Variants in ARHGEF19 observed in about 807,000 individuals in gnomAD.
The protein encoded by ARHGEF19 is Rho guanine nucleotide exchange factor 19.
A neutral mutation model predicts 87.6 loss-of-function variants in ARHGEF19; 92 were observed. The ratio of observed to expected loss-of-function variants is 1.05; its 90% CI spans 0.89 to 1.25. The LOEUF is 1.25. ARHGEF19 is among the 50% of genes most tolerant of loss of function. The pLI is 0.00. For missense variants in ARHGEF19, 1,054 were observed against 1,051.8 expected (o/e 1.00, Z -0.03); for synonymous variants, 438 against 446.2 (o/e 0.98, Z 0.23).
At position 16,208,008 on chromosome 1, in the gene ARHGEF19, G is replaced by C. The variant is rs1156697906; in HGVS notation, c.630C>G (p.Arg210=). The C allele has an allele frequency of 3.1e-6, 5 of 1,613,160 alleles. No homozygotes were observed. The highest frequency in any genetic ancestry group is 2.7e-5 in the African/African-American group (2 of 74,910). ...CCCGGGCTGCTGAATTCCGCCCCAG[G>C]CGCAGAGAAGAGTGCAGCCGGGTCA... The part of the protein sequence containing the change: ...ELMTRLHSSL[R]LGRNSAARAL... Residue 210 remains arginine (R), a synonymous_variant, in exon 3 of 16, where the codon CGC becomes CGG. Transcript: ENST00000270747.
Position 16,207,888 on chromosome 1 carries a change from C to CG in ARHGEF19, c.694+55_694+56insC. 7.1e-7 allele frequency: 1 copy of CG among 1,403,408 alleles called. No individual in the cohort carries two copies. The highest frequency in any genetic ancestry group is 9.9e-7 in the Non-Finnish European group (1 of 1,009,394). The allele number at this position is 1,403,408 out of a possible 1,614,324, so 86.9% of individuals were successfully genotyped here. A position where few individuals can be genotyped will look rare whatever the true frequency, so the allele number is the denominator to read the frequency against. ...GCGGCCGGTGAGTGGGCATCGCCCA[C>CG]CCCCACCCCCACCCGGCATCTGGCT... On this transcript the variant is annotated intron_variant, in intron 3 of 15. Transcript: ENST00000270747. This position sits in a 1 kb window ranked among gnomAD's most constrained non-coding sequence, Gnocchi z 4.0.
Position 16,206,751 on chromosome 1 carries a change from C to T in ARHGEF19, c.1137+197G>A, listed in dbSNP as rs567221651. 8.1e-4 allele frequency among the ~76,000 whole-genome samples: 124 copies of T among 152,244 alleles called. 1 individual carries two copies. Among genetic ancestry groups the T allele is most frequent in the African/African-American group, 2.7e-3 (113 of 41,546 alleles). Reference sequence around the variant, plus strand: ...CACCCAAGCCCGGCTCCCCTCGCCTCTCGCTCAGCGGCTTGCTGTCCTCGC... The same window carrying T: ...CACCCAAGCCCGGCTCCCCTCGCCTTTCGCTCAGCGGCTTGCTGTCCTCGC... On this transcript the variant is annotated intron_variant, in intron 6 of 15. Transcript: ENST00000270747. This position sits in a 1 kb window ranked among gnomAD's most constrained non-coding sequence, Gnocchi z 4.6.
Position 16,198,542 on chromosome 1 carries a change from C to A in ARHGEF19, c.*45G>T, listed in dbSNP as rs1386341576. On this transcript the variant is annotated 3_prime_UTR_variant, in exon 16 of 16. Coordinates refer to ENST00000270747, the MANE Select transcript of ARHGEF19 (RefSeq NM_153213.5). This position sits in a 1 kb window ranked among gnomAD's most constrained non-coding sequence, Gnocchi z 4.1. ...ACACTGCAGGCCCCTCCAGGACCAT[C>A]CAGGAGCCAGGCATGGAGGTGGGGT... is the stretch of plus-strand genomic sequence containing the variant. 5 of 1,560,182 alleles carry A rather than the reference C, an allele frequency of 3.2e-6. No individual in the cohort carries two copies. The highest frequency in any genetic ancestry group is 3.5e-6 in the Non-Finnish European group (4 of 1,151,730).
rs921628073 is a variant in ARHGEF19 at position 16,206,060 on chromosome 1, C to T, written c.1322G>A (p.Arg441Gln). The stretch of plus-strand genomic sequence containing the variant: ...GAAGCGCAGCACATCTGCCTCCAGC[C>T]GCTGCTCCAGGTCCTGCAGGAACCT... Reference protein sequence around the residue: ...SERFLQDLEQRLEADVLRFSV... With the variant: ...SERFLQDLEQQLEADVLRFSV... Residue 441 changes from arginine to glutamine, a missense_variant, in exon 8 of 16, where the codon CGG becomes CAG. By Grantham distance (43) the Arg-to-Gln change is conservative. Transcript: ENST00000270747. The surrounding 1 kb of genome is among the most constrained non-coding windows in gnomAD (Gnocchi z 4.6). 3 of 1,583,644 alleles carry T rather than the reference C, an allele frequency of 1.9e-6. No homozygotes were observed. Among genetic ancestry groups the T allele is most frequent in the Non-Finnish European group, 1.7e-6 (2 of 1,164,696 alleles).
rs927518713 is a variant in ARHGEF19, at chr1:16,208,945, A to G, written c.110T>C (p.Leu37Pro). The G allele has an allele frequency of 3.2e-6, 5 of 1,577,170 alleles. No homozygotes were observed. The highest frequency in any genetic ancestry group is 1.4e-5 in the African/African-American group (1 of 73,094). Reference protein sequence around the residue: ...CQQESLSFAELPALKPPSPVC... With the variant: ...CQQESLSFAEPPALKPPSPVC... The stretch of plus-strand genomic sequence containing the variant: ...TGGGCTCGGGGGCTTCAGGGCGGGC[A>G]GCTCTGCAAAGGACAGACTCTCCTG... Residue 37 changes from leucine to proline, a missense_variant, in exon 2 of 16, where the codon CTG becomes CCG. By Grantham distance (98) the Leu-to-Pro change is moderately conservative. Transcript: ENST00000270747.
Position 16,206,834 on chromosome 1 carries a change from G to A in ARHGEF19, c.1137+114C>T, listed in dbSNP as rs1418189753. On this transcript the variant is annotated intron_variant, in intron 6 of 15. Coordinates refer to ENST00000270747, the MANE Select transcript of ARHGEF19 (RefSeq NM_153213.5). The surrounding 1 kb of genome is among the most constrained non-coding windows in gnomAD (Gnocchi z 4.6). The stretch of plus-strand genomic sequence containing the variant: ...GCCAACCTTCCGCGCGGACAGTCGC[G>A]CCAGCAACCCCCTTTGTGTGTCCCC... 1 of 1,289,352 alleles carries A rather than the reference G, an allele frequency of 7.8e-7. No individual in the cohort carries two copies. The allele number at this position is 1,289,352 out of a possible 1,614,324, so 79.9% of individuals were successfully genotyped here.
Position 16,207,617 on chromosome 1 carries a change from C to G in ARHGEF19, c.798-19G>C. 6.2e-7 allele frequency: 1 copy of G among 1,614,036 alleles called. No homozygotes were observed. Among genetic ancestry groups the G allele is most frequent in the East Asian group, 2.2e-5 (1 of 44,870 alleles). On this transcript the variant is annotated intron_variant, in intron 4 of 15. Transcript: ENST00000270747. The surrounding 1 kb of genome is among the most constrained non-coding windows in gnomAD (Gnocchi z 4.0). ...GTCTAGCCTAGGAAAGAGAGAGCGT[C>G]ACGGCCCTAGTTCGCCTGCACCCTG... is the stretch of plus-strand genomic sequence containing the variant.
chr1:16,212,356 C>T (rs1041905685), intron 1 of ARHGEF19, 146 bp downstream of exon 1: 8 of 152,370 alleles, frequency 5.3e-5, no homozygotes, highest in African/African-American at 1.9e-4. Context: ...GAAAGTGGAT[C>T]CAGGCCAAGT....
rs779728648 is a variant in ARHGEF19 at position 16,208,093 on chromosome 1, C to A, written c.545G>T (p.Gly182Val). The change falls in exon 3 of 16, where the codon GGG becomes GTG. Residue 182 changes from glycine to valine, a missense_variant. By Grantham distance (109) the Gly-to-Val change is moderately radical. Transcript: ENST00000270747. Reference protein sequence around the residue: ...STEEPRVELSGSTRVSLEGPE... With the variant: ...STEEPRVELSVSTRVSLEGPE... ...ACCTTCGAGGCTCACTCGGGTGGAC[C>A]CAGACAACTCCACCCTGGGCTCCTC... 3 of 1,614,042 alleles carry A rather than the reference C, an allele frequency of 1.9e-6. No individual in the cohort carries two copies. Among genetic ancestry groups the A allele is most frequent in the Non-Finnish European group, 2.5e-6 (3 of 1,180,030 alleles).
chr1:16,207,870 G>A lies in ARHGEF19; in HGVS notation c.694+74C>T, dbSNP rs2081160048. 1 of 1,585,880 alleles carries A rather than the reference G, an allele frequency of 6.3e-7. No homozygotes were observed. The highest frequency in any genetic ancestry group is 1.8e-5 in the Admixed American group (1 of 55,878). Reference sequence around the variant, plus strand: ...GCACCCTGACGGCCTCAGGCGGCCGGTGAGTGGGCATCGCCCACCCCCACC... The same window carrying A: ...GCACCCTGACGGCCTCAGGCGGCCGATGAGTGGGCATCGCCCACCCCCACC... On this transcript the variant is annotated intron_variant, in intron 3 of 15. Coordinates refer to ENST00000270747, the MANE Select transcript of ARHGEF19 (RefSeq NM_153213.5). The surrounding 1 kb of genome is among the most constrained non-coding windows in gnomAD (Gnocchi z 4.0).
chr1:16,207,006 T>C lies in ARHGEF19; in HGVS notation c.1079A>G (p.Asp360Gly). The change falls in exon 6 of 16, where the codon GAC (aspartate) becomes GGC (glycine). Residue 360 changes from aspartate to glycine, a missense_variant. Transcript: ENST00000270747. This position sits in a 1 kb window ranked among gnomAD's most constrained non-coding sequence, Gnocchi z 4.0. ...GGCCAGGACGCCGCTGCCGCGTACG[T>C]CGGGGATATCCTGCCACAGCGAGAA... The part of the protein sequence containing the change: ...STFSLWQDIP[D>G]VRGSGVLATL... 6.6e-7 allele frequency: 1 copy of C among 1,516,888 alleles called. No individual in the cohort carries two copies. The allele number at this position is 1,516,888 out of a possible 1,614,324, so 94.0% of individuals were successfully genotyped here.
intron 1 of ARHGEF19, among the ~76,000 whole-genome samples, chr1:16,211,890 C>T (rs1189587685): frequency 6.6e-6 from 1 of 152,214 alleles, no homozygotes; most frequent in African/African-American, 2.4e-5. Flanking sequence ...TAGGCAAGGG[C>T]CACTCTGGAG....
chr1:16,203,716 C>T (rs1293563587), intron 12 of ARHGEF19, among the ~76,000 whole-genome samples: 1 of 152,172 alleles, frequency 6.6e-6, no homozygotes, highest in Non-Finnish European at 1.5e-5. Flanking sequence ...TGCTGTACTC[C>T]TGCACTCAAA....
At position 16,207,887 on chromosome 1, in the gene ARHGEF19, A is replaced by G. The variant is rs1171447758; in HGVS notation, c.694+57T>C. ...GGCGGCCGGTGAGTGGGCATCGCCCACCCCCACCCCCACCCGGCATCTGGC... is the reference window on the plus strand; with the variant it reads ...GGCGGCCGGTGAGTGGGCATCGCCCGCCCCCACCCCCACCCGGCATCTGGC... On this transcript the variant is annotated intron_variant, in intron 3 of 15. Coordinates refer to ENST00000270747, the MANE Select transcript of ARHGEF19 (RefSeq NM_153213.5). This position sits in a 1 kb window ranked among gnomAD's most constrained non-coding sequence, Gnocchi z 4.0. 1.2e-3 allele frequency: 962 copies of G among 831,874 alleles called. No homozygotes were observed. The highest frequency in any genetic ancestry group is 1.6e-3 in the Non-Finnish European group (879 of 557,506). 51.5% of individuals were successfully genotyped at this position (831,874 alleles called of 1,614,324 possible).
Position 16,207,230 on chromosome 1 carries a change from G to C in ARHGEF19, c.875-20C>G. 1 of 1,487,788 alleles carries C rather than the reference G, an allele frequency of 6.7e-7. No individual in the cohort carries two copies. The highest frequency in any genetic ancestry group is 8.9e-7 in the Non-Finnish European group (1 of 1,123,954). 92.2% of individuals were successfully genotyped at this position (1,487,788 alleles called of 1,614,324 possible). A position where few individuals can be genotyped will look rare whatever the true frequency, so the allele number is the denominator to read the frequency against. On this transcript the variant is annotated intron_variant, in intron 5 of 15. Transcript: ENST00000270747. This position sits in a 1 kb window ranked among gnomAD's most constrained non-coding sequence, Gnocchi z 4.0. ...GGACGGCTGGGGGAAAGACGGGCGG[G>C]GGAGAGCGTGGGGCGCCCGCCAGCC... is the stretch of plus-strand genomic sequence containing the variant.
rs758325900 is a variant in ARHGEF19 at position 16,207,960 on chromosome 1, G to A, written c.678C>T (p.Thr226=). 1.2e-6 allele frequency: 2 copies of A among 1,605,762 alleles called. No homozygotes were observed. Among genetic ancestry groups the A allele is most frequent in the Admixed American group, 3.4e-5 (2 of 59,338 alleles). The change falls in exon 3 of 16, where the codon ACC becomes ACT. Residue 226 remains threonine, a synonymous_variant. Coordinates refer to ENST00000270747, the MANE Select transcript of ARHGEF19 (RefSeq NM_153213.5). This position sits in a 1 kb window ranked among gnomAD's most constrained non-coding sequence, Gnocchi z 4.0. ...AARALISGSG[T]GAAREGKASG... is the part of the protein sequence containing the mutation. ...AGCTGGTACCTTCCCGGGCTGCTCC[G>A]GTGCCTGACCCAGAGATGAGTGCCC...
At position 16,208,096 on chromosome 1, in the gene ARHGEF19, G is replaced by T; in HGVS notation, c.542C>A (p.Ser181Tyr). 2 of 1,614,084 alleles carry T rather than the reference G, an allele frequency of 1.2e-6. No homozygotes were observed. The highest frequency in any genetic ancestry group is 1.3e-5 in the African/African-American group (1 of 75,068). ...TTCGAGGCTCACTCGGGTGGACCCA[G>T]ACAACTCCACCCTGGGCTCCTCTGT... is the stretch of plus-strand genomic sequence containing the variant. ...LSTEEPRVEL[S>Y]GSTRVSLEGP... The change falls in exon 3 of 16, where the codon TCT (serine) becomes TAT (tyrosine). Residue 181 changes from serine (S) to tyrosine (Y), a missense_variant. Coordinates refer to ENST00000270747, the MANE Select transcript of ARHGEF19 (RefSeq NM_153213.5).
rs141514837 is a variant in ARHGEF19 at position 16,200,870 on chromosome 1, C to G, written c.2146+912G>C. 4.2e-4 allele frequency among the ~76,000 whole-genome samples: 64 copies of G among 152,204 alleles called. No homozygotes were observed. The South Asian group carries it at 0.013, about 31-fold the overall frequency. On this transcript the variant is annotated intron_variant, in intron 14 of 15. Coordinates refer to ENST00000270747, the MANE Select transcript of ARHGEF19 (RefSeq NM_153213.5). ...GAGCAGAGATTGTGCCACTGCACTC[C>G]AGCCTGGGGTACAGAGTAAAACTGT...
At chr1:16,202,648 G>C in intron 12 of ARHGEF19, 74 bp from the exon 13 acceptor site, 2 of 1,551,868 alleles carry the variant, frequency 1.3e-6, no homozygotes, top group Non-Finnish European at 1.7e-6. Flanking sequence ...GGATCAGGTG[G>C]GTTCTGACTG....
Sources: allele counts gnomAD v4.1 joint callset (sites outside exome capture counted in the v4.1 genomes callset), GRCh38; gene constraint gnomAD v4.1.1; non-coding constraint Gnocchi (gnomAD v3.1); transcripts MANE v1.5; gene names NCBI Gene and HGNC (gene_info 2026-07-23, HGNC 2026-07-21).